The following TRERF1 variants were observed in gnomAD, a reference collection of about 807,000 sequenced individuals.
TRERF1 encodes the protein transcriptional-regulating factor 1.
Under a neutral mutation model 122.9 loss-of-function variants are expected in TRERF1, and 27 were observed. That is an observed-to-expected ratio of 0.22 (90% CI 0.16 to 0.30). The LOEUF (loss-of-function observed/expected upper bound fraction) is 0.30. Ranked by LOEUF, TRERF1 falls within the 10% of genes least tolerant of loss-of-function variation. The pLI is 1.00. For synonymous variants in TRERF1, 636 were observed against 641.7 expected (o/e 0.99, Z 0.13); for missense variants, 1,248 against 1,560.3 (o/e 0.80, Z 3.37).
intron 3 of TRERF1, among the ~76,000 whole-genome samples, chr6:42,356,717 G>A (rs1458134645): frequency 1.3e-5 from 2 of 152,098 alleles, no homozygotes; most frequent in African/African-American, 4.8e-5. Context: ...TGGGATTACA[G>A]GTGCCTGCCA....
intron 4 of TRERF1, among the ~76,000 whole-genome samples, chr6:42,279,282 A>G (rs566430467): frequency 4.6e-5 from 7 of 152,022 alleles, no homozygotes; most frequent in Non-Finnish European, 5.9e-5. Context: ...CACAGGAAGG[A>G]TCCTCCACTC....
At chr6:42,314,490 A>G (rs1374152172) in intron 3 of TRERF1, among the ~76,000 whole-genome samples, 2 of 152,248 alleles carry the variant, frequency 1.3e-5, no homozygotes, top group African/African-American at 2.4e-5. Context: ...GAGTGCCTCA[A>G]TGCTAGGCAT....
At chr6:42,254,878 G>T in exon 13 of TRERF1, 1 of 1,614,206 alleles carries the variant, frequency 6.2e-7, no homozygotes, top group Non-Finnish European at 8.5e-7. Context: ...GCTAAAGGAT[G>T]ACATTTTAAC....
intron 2 of TRERF1, among the ~76,000 whole-genome samples, chr6:42,377,679 C>G (rs1294587800): frequency 1.3e-5 from 2 of 152,250 alleles, no homozygotes; most frequent in Non-Finnish European, 2.9e-5. Context: ...CTCATGGGCA[C>G]TGTCCAAACC....
At chr6:42,302,804 G>A (rs1300728602) in intron 3 of TRERF1, among the ~76,000 whole-genome samples, 3 of 152,230 alleles carry the variant, frequency 2.0e-5, no homozygotes, top group East Asian at 1.9e-4. Context: ...ACTTCATTCC[G>A]TTTCTGTGAA....
At chr6:42,300,188 A>G (rs1377546997) in intron 4 of TRERF1, among the ~76,000 whole-genome samples, 2 of 152,196 alleles carry the variant, frequency 1.3e-5, no homozygotes, top group African/African-American at 4.8e-5. Context: ...ACTGTCCAAC[A>G]CTGGCTGGAA....
chr6:42,254,811 C>G, intron 13 of TRERF1, 40 bp downstream of exon 13: 1 of 1,576,646 alleles, frequency 6.3e-7, no homozygotes, highest in Non-Finnish European at 8.7e-7. Flanking sequence ...AGCAGCCCGT[C>G]GTCAGGAGGC....
rs9471854 is a variant in TRERF1 at position 42,404,323 on chromosome 6, G to A, written c.-453-41244C>T. On this transcript the variant is annotated intron_variant, in intron 2 of 17. Transcript: ENST00000372922. The stretch of plus-strand genomic sequence containing the variant: ...AACATGCTAAAAGCTGGGGGTCACC[G>A]TAGACTCCCCTGCACACCTCCACAT... Among the ~76,000 whole-genome samples, 749 of 152,164 alleles carry A rather than the reference G, an allele frequency of 4.9e-3. 8 individuals carry two copies. The highest frequency in any genetic ancestry group is 0.017 in the African/African-American group (720 of 41,512).
rs1400039354 is a variant in TRERF1, at chr6:42,275,788, G to A, written c.-258-5940C>T. ...AACAAGGCTCTACAGAGACCTCCCA[G>A]CACACTTTTTCTATACAGGGCCAGC... On this transcript the variant is annotated intron_variant, in intron 4 of 17. Coordinates refer to ENST00000372922, the Ensembl canonical transcript of TRERF1. The surrounding 1 kb of genome is among the most constrained non-coding windows in gnomAD (Gnocchi z 4.1). Among the ~76,000 whole-genome samples, 1 of 152,192 alleles carries A rather than the reference G, an allele frequency of 6.6e-6. No homozygotes were observed. Among genetic ancestry groups the A allele is most frequent in the Non-Finnish European group, 1.5e-5 (1 of 68,038 alleles).
At chr6:42,383,434 C>T (rs535311286) in intron 2 of TRERF1, among the ~76,000 whole-genome samples, 1 of 152,234 alleles carries the variant, frequency 6.6e-6, no homozygotes, top group Admixed American at 6.5e-5. Context: ...CCCCCTTCCT[C>T]CTCCCAACCC....
chr6:42,408,210 A>AAAAT (rs1554206829), intron 2 of TRERF1, among the ~76,000 whole-genome samples: 4 of 107,142 alleles, frequency 3.7e-5, no homozygotes, highest in Non-Finnish European at 7.4e-5. Flanking sequence ...TATATAAATA[A>AAAAT]ATATATATAT....
intron 2 of TRERF1, among the ~76,000 whole-genome samples, chr6:42,369,140 A>G (rs1773304260): frequency 6.6e-6 from 1 of 152,128 alleles, no homozygotes. Context: ...TGCAGATAAG[A>G]AGGCTGGGAT....
intron 2 of TRERF1, among the ~76,000 whole-genome samples, chr6:42,382,767 A>C (rs6911987): frequency 0.092 from 13,893 of 151,698 alleles, 957 homozygotes; most frequent in African/African-American, 0.19. Flanking sequence ...TGAACGTGGG[A>C]TTTGGGGCTA....
chr6:42,449,319 AG>A (rs1340086111), intron 2 of TRERF1, among the ~76,000 whole-genome samples: 5 of 152,270 alleles, frequency 3.3e-5, no homozygotes, highest in Non-Finnish European at 7.3e-5. Flanking sequence ...CATGCCTAAA[AG>A]GGCGGAGCCC....
intron 2 of TRERF1, among the ~76,000 whole-genome samples, chr6:42,408,240 T>C (rs1385222680): frequency 1.8e-5 from 2 of 108,384 alleles, no homozygotes; most frequent in African/African-American, 9.4e-5. Flanking sequence ...TGTGTGTGTA[T>C]GTATATATAC....
chr6:42,310,436 G>A lies in TRERF1; in HGVS notation c.-370-9687C>T, dbSNP rs1582959762. On this transcript the variant is annotated intron_variant, in intron 3 of 17. Coordinates refer to ENST00000372922, the Ensembl canonical transcript of TRERF1. ...ACTGTGGGTTGGATAATTCTTTGTT[G>A]TTGGTGGGGCTTTCTGTACATGGTG... Among the ~76,000 whole-genome samples the A allele has an allele frequency of 2.6e-5, 4 of 152,346 alleles. No individual in the cohort carries two copies. In the East Asian group the frequency reaches 7.7e-4, roughly 29 times the overall value.
intron 3 of TRERF1, among the ~76,000 whole-genome samples, chr6:42,318,268 C>T (rs12195244): frequency 0.048 from 7,269 of 152,192 alleles, 233 homozygotes; most frequent in Middle Eastern, 0.092. Flanking sequence ...TCGCTGAATA[C>T]AAGTAGTTTT....
At chr6:42,264,509 G>A (rs1478925068) in intron 7 of TRERF1, among the ~76,000 whole-genome samples, 195 bp downstream of exon 7, 3 of 152,248 alleles carry the variant, frequency 2.0e-5, no homozygotes, top group South Asian at 2.1e-4. Context: ...TTTGACCCTT[G>A]CTCATCATAA....
At chr6:42,271,564 G>A (rs1024180516) in intron 4 of TRERF1, among the ~76,000 whole-genome samples, 3 of 151,968 alleles carry the variant, frequency 2.0e-5, no homozygotes, top group Non-Finnish European at 4.4e-5. Flanking sequence ...TATGTCGTAT[G>A]TCAATTAAAA....
Sources: gnomAD v4.1 joint callset for allele counts (sites outside exome capture counted in the v4.1 genomes callset) on GRCh38, gnomAD v4.1.1 for gene constraint, Gnocchi (gnomAD v3.1) non-coding constraint, MANE v1.5 for transcripts, NCBI Gene and HGNC (gene_info 2026-07-23, HGNC 2026-07-21) for gene names.